The following PALM2AKAP2 variants were observed in gnomAD, a reference collection of about 807,000 sequenced individuals.
PALM2AKAP2 encodes PALM2 and AKAP2 fusion.
Under a neutral mutation model 71.5 loss-of-function variants are expected in PALM2AKAP2, and 37 were observed. The observed-to-expected ratio is 0.52, with a 90% confidence interval of 0.40 to 0.68. The LOEUF (loss-of-function observed/expected upper bound fraction) is 0.68. PALM2AKAP2 is among the 30% of genes least tolerant of loss of function. PALM2AKAP2 has a pLI of 0.00. For missense variants in PALM2AKAP2, 1,224 were observed against 1,191.8 expected (o/e 1.03, Z -0.40); for synonymous variants, 468 against 478.8 (o/e 0.98, Z 0.29).
intron 1 of PALM2AKAP2, among the ~76,000 whole-genome samples, chr9:109,831,897 C>G (rs1828312012): frequency 6.6e-6 from 1 of 151,982 alleles, no homozygotes; most frequent in Admixed American, 6.6e-5. Context: ...GTGACTTGAG[C>G]TATCAGTTAA....
intron 3 of PALM2AKAP2, among the ~76,000 whole-genome samples, chr9:109,911,039 G>T (rs1271601902): frequency 6.6e-6 from 1 of 152,168 alleles, no homozygotes; most frequent in Non-Finnish European, 1.5e-5. Context: ...GATAGTTAAT[G>T]GGGTATCCTC....
chr9:109,722,498 G>A (rs533324519), intron 1 of PALM2AKAP2, among the ~76,000 whole-genome samples: 11 of 152,272 alleles, frequency 7.2e-5, no homozygotes, highest in African/African-American at 2.4e-4. Context: ...GGAGCTAGGC[G>A]AGATGCCTCA....
chr9:109,999,159 C>T (rs757199554), intron 6 of PALM2AKAP2, among the ~76,000 whole-genome samples: 5 of 151,880 alleles, frequency 3.3e-5, no homozygotes, highest in East Asian at 1.9e-4. Context: ...GCCAACAAGG[C>T]GAAATCCCGT....
chr9:109,963,213 G>C (rs1410336835), intron 6 of PALM2AKAP2, among the ~76,000 whole-genome samples: 1 of 152,196 alleles, frequency 6.6e-6, no homozygotes, highest in South Asian at 2.1e-4. Flanking sequence ...AGCTTGGGCT[G>C]GTTGTCTGAT....
rs562885170 is a variant in PALM2AKAP2, at chr9:109,641,723, C to T, written c.5+857C>T. On this transcript the variant is annotated intron_variant, in intron 1 of 6. Transcript: ENST00000374531. ...ATCCCGCTCACTTGGTCAGCTTCTC[C>T]TCTTCCGTTCTCTTCCCACACTACT... is the stretch of plus-strand genomic sequence containing the variant. Among the ~76,000 whole-genome samples, 8 of 152,312 alleles carry T rather than the reference C, an allele frequency of 5.3e-5. No individual in the cohort carries two copies. The South Asian group carries it at 1.7e-3, about 32-fold the overall frequency.
intron 1 of PALM2AKAP2, among the ~76,000 whole-genome samples, chr9:109,748,842 T>C (rs2118705689): frequency 6.6e-6 from 1 of 152,294 alleles, no homozygotes; most frequent in Non-Finnish European, 1.5e-5. Flanking sequence ...CTCTTTGGCT[T>C]ATGGATGGCC....
intron 1 of PALM2AKAP2, among the ~76,000 whole-genome samples, chr9:109,691,859 TATATATATACACACACACACAC>T (rs200621997): frequency 0.064 from 2,842 of 44,552 alleles, 81 homozygotes; most frequent in Non-Finnish European, 0.067. Flanking sequence ...TATATATATA[TATATATATACACACACACACAC>T]ATATATATAT....
chr9:109,714,931 C>A (rs933717330), intron 1 of PALM2AKAP2, among the ~76,000 whole-genome samples: 3 of 152,186 alleles, frequency 2.0e-5, no homozygotes, highest in African/African-American at 7.2e-5. Flanking sequence ...GTTGTGACTG[C>A]ATCAAAGTTT....
intron 1 of PALM2AKAP2, among the ~76,000 whole-genome samples, chr9:109,754,899 C>G (rs4978846): frequency 0.55 from 83,202 of 151,900 alleles, 23,133 homozygotes; most frequent in South Asian, 0.66. Flanking sequence ...GCCATAGCAC[C>G]ATCCTAATAA....
At chr9:109,710,492 G>A (rs1408684449) in intron 1 of PALM2AKAP2, among the ~76,000 whole-genome samples, 1 of 152,208 alleles carries the variant, frequency 6.6e-6, no homozygotes, top group African/African-American at 2.4e-5. Context: ...TAGGCAGATG[G>A]AAGCCTGGGA....
chr9:109,852,306 T>G (rs1399119385), intron 1 of PALM2AKAP2, among the ~76,000 whole-genome samples: 1 of 152,192 alleles, frequency 6.6e-6, no homozygotes, highest in Non-Finnish European at 1.5e-5. Context: ...CCCACCTTTG[T>G]GTCTGTGTGT....
chr9:109,644,429 A>G (rs1482059446), intron 1 of PALM2AKAP2, among the ~76,000 whole-genome samples: 2 of 152,194 alleles, frequency 1.3e-5, no homozygotes, highest in African/African-American at 4.8e-5. Context: ...AGGGAATTAA[A>G]TTCACTTCTT....
At chr9:109,813,517 CCA>C (rs1827776845) in intron 1 of PALM2AKAP2, among the ~76,000 whole-genome samples, 1 of 152,090 alleles carries the variant, frequency 6.6e-6, no homozygotes, top group Admixed American at 6.5e-5. Flanking sequence ...AGCATTTTTC[CCA>C]TTTTCTGCCC....
chr9:109,812,423 C>G lies in PALM2AKAP2; in HGVS notation c.45+31890C>G, dbSNP rs75107499. 5.2e-3 allele frequency among the ~76,000 whole-genome samples: 797 copies of G among 152,162 alleles called. 9 individuals are homozygous for G. The highest frequency in any genetic ancestry group is 0.018 in the African/African-American group (762 of 41,496). ...CTCTTTGCTGGGCAAACTCTTTGCA[C>G]CACAGTCTGGGCTGGCTCAGGCATT... On this transcript the variant is annotated intron_variant, in intron 1 of 9. Transcript: ENST00000302798.
At chr9:110,003,914 T>C (rs1361198606) in intron 6 of PALM2AKAP2, among the ~76,000 whole-genome samples, 1 of 152,224 alleles carries the variant, frequency 6.6e-6, no homozygotes, top group Non-Finnish European at 1.5e-5. Context: ...ATTTTGAGCC[T>C]ATGTGTGTCT....
intron 6 of PALM2AKAP2, among the ~76,000 whole-genome samples, chr9:109,953,083 A>G (rs1238887621): frequency 6.6e-6 from 1 of 152,156 alleles, no homozygotes; most frequent in Non-Finnish European, 1.5e-5. Flanking sequence ...TAGATTTGTG[A>G]CTAGTTTTGT....
At chr9:109,803,248 G>T (rs1332073198) in intron 1 of PALM2AKAP2, among the ~76,000 whole-genome samples, 2 of 152,182 alleles carry the variant, frequency 1.3e-5, no homozygotes, top group Non-Finnish European at 2.9e-5. Context: ...TGAATTATTG[G>T]TTTAGTAATT....
intron 1 of PALM2AKAP2, among the ~76,000 whole-genome samples, chr9:109,702,601 G>A (rs1483087281): frequency 1.3e-5 from 2 of 150,998 alleles, no homozygotes; most frequent in Non-Finnish European, 3.0e-5. Flanking sequence ...GTGGGGGTGG[G>A]GGTAGGGGGG....
chr9:109,708,917 G>A (rs143429141), intron 1 of PALM2AKAP2, among the ~76,000 whole-genome samples: 111 of 152,288 alleles, frequency 7.3e-4, no homozygotes, highest in African/African-American at 2.4e-3. Flanking sequence ...TGGTGTGAAC[G>A]TCAGGAAGGC....
Sources: allele counts gnomAD v4.1 joint callset (sites outside exome capture counted in the v4.1 genomes callset), GRCh38; gene constraint gnomAD v4.1.1; transcripts MANE v1.5; gene names NCBI Gene and HGNC (gene_info 2026-07-23, HGNC 2026-07-21).